The following EPHA3 variants were observed in gnomAD, a reference collection of about 807,000 sequenced individuals.
EPHA3 encodes the protein EPH receptor A3.
A neutral mutation model predicts 107.1 loss-of-function variants in EPHA3; 42 were observed. That is an observed-to-expected ratio of 0.39 (90% CI 0.31 to 0.51). The LOEUF is 0.51. Among genes scored for constraint, EPHA3 ranks in the 20% least tolerant of loss-of-function variants. The probability of loss-of-function intolerance (pLI) is 0.78; values close to 1 mark genes in which losing one functional copy is unlikely to be tolerated. For synonymous variants in EPHA3, 461 were observed against 424.8 expected, an observed-to-expected ratio of 1.09 and a Z score of -1.05; for missense variants, 1,183 against 1,211.2, an observed-to-expected ratio of 0.98 and a Z score of 0.35.
rs1467505741 is a variant in EPHA3 at position 89,449,275 on chromosome 3, C to T, written c.2397C>T (p.Arg799=). 2.5e-6 allele frequency: 4 copies of T among 1,611,910 alleles called. No homozygotes were observed. The African/African-American group carries it at 5.3e-5, about 22-fold the overall frequency. The change falls in exon 14 of 17, where the codon CGC becomes CGT. Residue 799 remains arginine (R), a synonymous_variant. Coordinates refer to ENST00000336596, the MANE Select transcript of EPHA3 (RefSeq NM_005233.6). ...RWTSPEAIAY[R]KFTSASDVWS... Reference sequence around the variant, plus strand: ...CATCACCAGAAGCTATAGCCTACCGCAAGTTCACGTCAGCCAGCGATGTAT... The same window carrying T: ...CATCACCAGAAGCTATAGCCTACCGTAAGTTCACGTCAGCCAGCGATGTAT...
chr3:89,134,552 A>C (rs1704273942), intron 2 of EPHA3, among the ~76,000 whole-genome samples: 1 of 152,044 alleles, frequency 6.6e-6, no homozygotes, highest in South Asian at 2.1e-4. Flanking sequence ...TGAACTCATC[A>C]TTTTTTATGG....
chr3:89,171,448 G>A (rs904024315), intron 2 of EPHA3, among the ~76,000 whole-genome samples: 1 of 152,062 alleles, frequency 6.6e-6, no homozygotes, highest in African/African-American at 2.4e-5. Context: ...GGATATAATA[G>A]GTGTTTTTCT....
intron 5 of EPHA3, among the ~76,000 whole-genome samples, chr3:89,351,238 A>T (rs1015698720): frequency 6.6e-6 from 1 of 150,940 alleles, no homozygotes; most frequent in Non-Finnish European, 1.5e-5. Context: ...TTGCAGTTTG[A>T]TCTCAGACTG....
intron 2 of EPHA3, among the ~76,000 whole-genome samples, chr3:89,208,180 G>A (rs955483681): frequency 1.1e-4 from 16 of 151,710 alleles, no homozygotes; most frequent in Non-Finnish European, 1.0e-4. Flanking sequence ...AAGATCACTG[G>A]CCAACATGGA....
At chr3:89,460,922 C>A (rs1457375255) in intron 15 of EPHA3, among the ~76,000 whole-genome samples, 1 of 125,488 alleles carries the variant, frequency 8.0e-6, no homozygotes, top group African/African-American at 3.1e-5. Context: ...GTGCGCTGCA[C>A]CCACTAATGT....
intron 2 of EPHA3, among the ~76,000 whole-genome samples, chr3:89,144,136 G>A (rs765622126): frequency 2.6e-5 from 4 of 151,578 alleles, no homozygotes; most frequent in Non-Finnish European, 5.9e-5. Context: ...CTACAGTTCT[G>A]TTGGTTTTGC....
At chr3:89,301,558 C>A (rs553054224) in intron 3 of EPHA3, among the ~76,000 whole-genome samples, 39 of 152,118 alleles carry the variant, frequency 2.6e-4, no homozygotes, top group African/African-American at 9.2e-4. Context: ...TTTCACTCCT[C>A]ATGTTGGTGG....
chr3:89,455,183 A>C (rs977053591), intron 15 of EPHA3, among the ~76,000 whole-genome samples: 11 of 152,198 alleles, frequency 7.2e-5, no homozygotes, highest in African/African-American at 2.7e-4. Context: ...TGTAAACAAC[A>C]GACAAGTACA....
chr3:89,141,336 A>T (rs1704427724), intron 2 of EPHA3, among the ~76,000 whole-genome samples: 1 of 151,548 alleles, frequency 6.6e-6, no homozygotes, highest in Non-Finnish European at 1.5e-5. Context: ...GTCATCAGAG[A>T]AAGAGGTCTA....
chr3:89,111,123 T>C (rs1707095678), intron 1 of EPHA3, among the ~76,000 whole-genome samples: 1 of 152,052 alleles, frequency 6.6e-6, no homozygotes, highest in South Asian at 2.1e-4. Context: ...ATGAAATGCA[T>C]TTCCCTAAAT....
chr3:89,444,195 G>A (rs1171866171), intron 13 of EPHA3, among the ~76,000 whole-genome samples: 5 of 152,034 alleles, frequency 3.3e-5, no homozygotes, highest in African/African-American at 4.8e-5. Flanking sequence ...ATAATGGTTC[G>A]GGTTTACTAT....
chr3:89,471,910 CTAT>C (rs150298861), intron 15 of EPHA3, among the ~76,000 whole-genome samples: 28,902 of 151,738 alleles, frequency 0.19, 3,317 homozygotes, highest in Non-Finnish European at 0.25. Context: ...CTACTTTTTT[CTAT>C]TATTTTTTAT....
intron 1 of EPHA3, among the ~76,000 whole-genome samples, chr3:89,121,238 A>AT (rs1707375866): frequency 2.1e-5 from 3 of 145,798 alleles, no homozygotes; most frequent in East Asian, 2.0e-4. Flanking sequence ...TCCGTCTCAA[A>AT]AAAATAAATA....
chr3:89,177,461 C>T (rs1705345198), intron 2 of EPHA3, among the ~76,000 whole-genome samples: 1 of 152,084 alleles, frequency 6.6e-6, no homozygotes, highest in South Asian at 2.1e-4. Flanking sequence ...TTTGATGTTC[C>T]CTCTCCCATT....
In EPHA3 at chr3:89,481,657, A is replaced by T. The variant is rs1710623585; in HGVS notation, c.*2155A>T. ...AAAGTAGAGGTTGTATACACCATAT[A>T]CTGTTCTTCATTTTATTAATATTTT... is the stretch of plus-strand genomic sequence containing the variant. On this transcript the variant is annotated 3_prime_UTR_variant, in exon 17 of 17. Coordinates refer to ENST00000336596, the MANE Select transcript of EPHA3 (RefSeq NM_005233.6). The T allele has an allele frequency of 4.3e-6, 1 of 232,186 alleles. No homozygotes were observed. The highest frequency in any genetic ancestry group is 8.5e-6 in the Non-Finnish European group (1 of 117,290). The allele number at this position is 232,186 out of a possible 1,614,324, so 14.4% of individuals were successfully genotyped here. A position where few individuals can be genotyped will look rare whatever the true frequency, so the allele number is the denominator to read the frequency against.
chr3:89,214,206 G>A (rs2107191397), intron 3 of EPHA3, among the ~76,000 whole-genome samples: 1 of 152,050 alleles, frequency 6.6e-6, no homozygotes, highest in Non-Finnish European at 1.5e-5. Context: ...GGGCTTAGGA[G>A]TCCTAGGAAT....
chr3:89,254,524 T>C (rs1705235159), intron 3 of EPHA3, among the ~76,000 whole-genome samples: 1 of 152,170 alleles, frequency 6.6e-6, no homozygotes, highest in African/African-American at 2.4e-5. Context: ...AACTCTATCT[T>C]GATAACATTA....
intron 3 of EPHA3, among the ~76,000 whole-genome samples, chr3:89,298,199 A>G (rs1576296964): frequency 6.6e-6 from 1 of 152,082 alleles, no homozygotes; most frequent in South Asian, 2.1e-4. Context: ...ACCTCAGGAG[A>G]TTTGGTCACA....
chr3:89,153,515 C>G (rs1704732105), intron 2 of EPHA3, among the ~76,000 whole-genome samples: 1 of 151,994 alleles, frequency 6.6e-6, no homozygotes, highest in Non-Finnish European at 1.5e-5. Flanking sequence ...TTCCAGGTAT[C>G]AGGCCAAAAT....
Sources: gnomAD v4.1 joint callset for allele counts (sites outside exome capture counted in the v4.1 genomes callset) on GRCh38, gnomAD v4.1.1 for gene constraint, MANE v1.5 for transcripts, NCBI Gene and HGNC (gene_info 2026-07-23, HGNC 2026-07-21) for gene names.